The following KLF15 variants were observed in gnomAD, a reference collection of about 807,000 sequenced individuals.
KLF15 encodes the protein Krueppel-like factor 15.
KLF15 carries 4 observed loss-of-function variants against 24.6 expected under a neutral mutation model. That is an observed-to-expected ratio of 0.16 (90% CI 0.08 to 0.37). The LOEUF (loss-of-function observed/expected upper bound fraction) is 0.37. Among genes scored for constraint, KLF15 ranks in the 10% least tolerant of loss-of-function variants. KLF15 has a pLI of 1.00. For missense variants in KLF15, 496 were observed against 560.6 expected (o/e 0.88, Z 1.16); for synonymous variants, 246 against 236.3 (o/e 1.04, Z -0.37).
the KLF15 span, among the ~76,000 whole-genome samples, chr3:126,297,882 C>A: frequency 9.2e-5 from 14 of 152,140 alleles, no homozygotes; most frequent in African/African-American, 3.4e-4. Flanking sequence ...CATATTTTTG[C>A]AATTCTGAAT....
At chr3:126,299,859 C>T in the KLF15 span, among the ~76,000 whole-genome samples, 1 of 151,896 alleles carries the variant, frequency 6.6e-6, no homozygotes, top group Non-Finnish European at 1.5e-5. Context: ...AGGAGAGAGG[C>T]CTCAGGAGAA....
chr3:126,352,399 G>C lies in KLF15; in HGVS notation c.524C>G (p.Ala175Gly), dbSNP rs759841949. The C allele has an allele frequency of 6.2e-6, 10 of 1,613,310 alleles. No homozygotes were observed. In the South Asian group the frequency reaches 9.9e-5, roughly 16 times the overall value. ...KDLDACSQLS[A>G]GPHKSHLHPG... ...ATGGAGGTGGCTCTTGTGTGGCCCA[G>C]CTGAGAGCTGGCTGCAGGCATCCAA... Residue 175 changes from alanine to glycine, a missense_variant, in exon 2 of 3, where the codon GCT becomes GGT. Ala to Gly is a moderately conservative substitution (Grantham distance 60). This residue lies in a region of KLF15 where 399 missense variants were observed against 423.1 expected (regional missense o/e 0.94). Transcript: ENST00000296233.
At chr3:126,337,840 C>A (rs1273094652), downstream of KLF15, among the ~76,000 whole-genome samples, 1 of 152,256 alleles carries the variant, frequency 6.6e-6, no homozygotes, top group Admixed American at 6.5e-5. Flanking sequence ...GCTCTAAATT[C>A]TTCTGTTTGT....
At chr3:126,328,514 T>A in the KLF15 span, among the ~76,000 whole-genome samples, 4 of 152,210 alleles carry the variant, frequency 2.6e-5, no homozygotes, top group African/African-American at 9.7e-5. Flanking sequence ...CACACTGATT[T>A]CCATAGTGGC....
At chr3:126,301,409 A>C in the KLF15 span, among the ~76,000 whole-genome samples, 5 of 152,126 alleles carry the variant, frequency 3.3e-5, no homozygotes, top group African/African-American at 1.2e-4. Context: ...CAGACCTAGG[A>C]GAGAGCAGAG....
At chr3:126,329,462 G>A in the KLF15 span, among the ~76,000 whole-genome samples, 6 of 152,026 alleles carry the variant, frequency 3.9e-5, no homozygotes, top group African/African-American at 1.4e-4. Context: ...TCCAGCCTGG[G>A]CAGCAGAGCA....
intron 1 of KLF15, among the ~76,000 whole-genome samples, chr3:126,355,895 G>A (rs2082626748): frequency 6.6e-6 from 1 of 152,206 alleles, no homozygotes. Context: ...TTAAAGAGAG[G>A]ACACTCTAGG....
At chr3:126,332,098 A>C in the KLF15 span, among the ~76,000 whole-genome samples, 2 of 152,328 alleles carry the variant, frequency 1.3e-5, no homozygotes, top group African/African-American at 4.8e-5. Flanking sequence ...CTGTCTCTGT[A>C]GGCGCCACCG....
chr3:126,289,737 C>T, the KLF15 span, among the ~76,000 whole-genome samples: 2 of 152,218 alleles, frequency 1.3e-5, no homozygotes, highest in Admixed American at 6.5e-5. Context: ...CTTATTTTAT[C>T]ATTCCGTTTG....
downstream of KLF15, among the ~76,000 whole-genome samples, chr3:126,338,638 C>T (rs1318065253): frequency 1.3e-5 from 2 of 152,246 alleles, no homozygotes; most frequent in African/African-American, 2.4e-5. Context: ...ATTACTTTCA[C>T]ATCGCAAATT....
the KLF15 span, among the ~76,000 whole-genome samples, chr3:126,326,802 TAG>T: frequency 5.3e-5 from 8 of 152,216 alleles, no homozygotes; most frequent in African/African-American, 1.9e-4. Flanking sequence ...AATTATTAAC[TAG>T]AGTTTAATTT....
chr3:126,291,868 G>A, the KLF15 span, among the ~76,000 whole-genome samples: 1 of 152,220 alleles, frequency 6.6e-6, no homozygotes, highest in Non-Finnish European at 1.5e-5. Context: ...CCCTGGAACT[G>A]TTGTGATCCC....
chr3:126,328,253 T>C, the KLF15 span, among the ~76,000 whole-genome samples: 1 of 152,208 alleles, frequency 6.6e-6, no homozygotes, highest in Non-Finnish European at 1.5e-5. Flanking sequence ...CTGCAAATGC[T>C]GTTAATTCAT....
chr3:126,352,032 C>T lies in KLF15; in HGVS notation c.891G>A (p.Gly297=). The change falls in exon 2 of 3, where the codon GGG becomes GGA. Residue 297 remains glycine, a synonymous_variant. Coordinates refer to ENST00000296233, the MANE Select transcript of KLF15 (RefSeq NM_014079.4). ...CCATGAGGAGACCGGCAGGGCCAGGCCCCAGGGGTCCCGATCCAACAGGCT... is the reference window on the plus strand; with the variant it reads ...CCATGAGGAGACCGGCAGGGCCAGGTCCCAGGGGTCCCGATCCAACAGGCT... ...AAKPVGSGPL[G]PGPAGLLMGQ... is the part of the protein sequence containing the mutation. 6.5e-7 allele frequency: 1 copy of T among 1,531,820 alleles called. No individual in the cohort carries two copies. Among genetic ancestry groups the T allele is most frequent in the Non-Finnish European group, 8.8e-7 (1 of 1,137,242 alleles). 94.9% of individuals were successfully genotyped at this position (1,531,820 alleles called of 1,614,324 possible). A position where few individuals can be genotyped will look rare whatever the true frequency, so the allele number is the denominator to read the frequency against.
At chr3:126,355,853 A>G (rs893950447) in intron 1 of KLF15, among the ~76,000 whole-genome samples, 26 of 152,300 alleles carry the variant, frequency 1.7e-4, no homozygotes, top group East Asian at 5.8e-4. Flanking sequence ...GACAACCCAG[A>G]AAGGGCTCTG....
chr3:126,293,037 C>T, the KLF15 span, among the ~76,000 whole-genome samples: 265 of 150,574 alleles, frequency 1.8e-3, no homozygotes, highest in African/African-American at 6.1e-3. Context: ...AGGCCAGGGG[C>T]GGTGGCTCAT....
At chr3:126,289,935 A>G in the KLF15 span, among the ~76,000 whole-genome samples, 27,747 of 152,102 alleles carry the variant, frequency 0.18, 2,932 homozygotes, top group East Asian at 0.3. Flanking sequence ...GAGGGAGGGT[A>G]TGGTCACATT....
At position 126,356,269 on chromosome 3, in the gene KLF15, C is replaced by G. The variant is rs1211584605; in HGVS notation, c.-26+968G>C. Among the ~76,000 whole-genome samples, 1 of 152,144 alleles carries G rather than the reference C, an allele frequency of 6.6e-6. No individual in the cohort carries two copies. Among genetic ancestry groups the G allele is most frequent in the Non-Finnish European group, 1.5e-5 (1 of 68,022 alleles). On this transcript the variant is annotated intron_variant, in intron 1 of 2. Coordinates refer to ENST00000296233, the MANE Select transcript of KLF15 (RefSeq NM_014079.4). This position sits in a 1 kb window ranked among gnomAD's most constrained non-coding sequence, Gnocchi z 4.4. ...CCTCACACCTGTAGGGCGGCAGGGT[C>G]TCCCCAGGGGCCACCTGGTCCGGGG...
chr3:126,333,885 A>G, the KLF15 span, among the ~76,000 whole-genome samples: 23 of 148,036 alleles, frequency 1.6e-4, no homozygotes, highest in South Asian at 4.7e-3. Flanking sequence ...TCCTAAATAT[A>G]TATGCACCCA....
Sources: gnomAD v4.1 joint callset for allele counts (sites outside exome capture counted in the v4.1 genomes callset) on GRCh38, gnomAD v4.1.1 for gene constraint, gnomAD v4.1.1 regional missense constraint, Gnocchi (gnomAD v3.1) non-coding constraint, MANE v1.5 for transcripts, NCBI Gene and HGNC (gene_info 2026-07-23, HGNC 2026-07-21) for gene names.